Variants in INPP4B observed in about 807,000 individuals in gnomAD.
The protein encoded by INPP4B is inositol polyphosphate 4-phosphatase type II.
In INPP4B, 55 loss-of-function variants were observed where a neutral mutation model predicts 122.5. That is an observed-to-expected ratio of 0.45 (90% confidence interval 0.36 to 0.56). INPP4B has a LOEUF of 0.56. Ranked by LOEUF, INPP4B falls within the 20% of genes least tolerant of loss-of-function variation. The probability of loss-of-function intolerance (pLI) is 0.00; values close to 1 mark genes in which losing one functional copy is unlikely to be tolerated. For missense variants in INPP4B, 1,000 were observed against 1,097.7 expected (o/e 0.91, Z 1.26); for synonymous variants, 403 against 388.7 (o/e 1.04, Z -0.43).
At chr4:142,072,255 A>G (rs867760639) in intron 25 of INPP4B, among the ~76,000 whole-genome samples, 5 of 151,818 alleles carry the variant, frequency 3.3e-5, no homozygotes, top group Middle Eastern at 3.4e-3. Flanking sequence ...CAAACACCAC[A>G]TGTTCTCACT....
intron 7 of INPP4B, among the ~76,000 whole-genome samples, chr4:142,323,712 A>T (rs572923452): frequency 2.5e-4 from 38 of 151,116 alleles, no homozygotes; most frequent in East Asian, 1.4e-3. Flanking sequence ...CCCAAAGTGC[A>T]GGGATTACAG....
At chr4:142,742,412 C>A (rs536546250) in intron 1 of INPP4B, among the ~76,000 whole-genome samples, 34 of 152,016 alleles carry the variant, frequency 2.2e-4, no homozygotes, top group South Asian at 8.3e-4. Context: ...TTCCAACTAA[C>A]AAAACTGAGA....
In INPP4B at chr4:142,687,559, CAAA is replaced by C. The variant is rs3080815; in HGVS notation, c.-191+38277_-191+38279del. Reference sequence around the variant, plus strand: ...TTTTCTTTCCCAATTATCCTTCCTCCAAAAAAAAAAAAAAAAAAAAAAATCCTT... The same window carrying C: ...TTTTCTTTCCCAATTATCCTTCCTCCAAAAAAAAAAAAAAAAAAAATCCTT... On this transcript the variant is annotated intron_variant, in intron 2 of 25. Coordinates refer to ENST00000262992, the MANE Select transcript of INPP4B (RefSeq NM_001101669.3). Among the ~76,000 whole-genome samples the C allele has an allele frequency of 3.8e-3, 378 of 100,568 alleles. 1 individual carries two copies. Among genetic ancestry groups the C allele is most frequent in the Middle Eastern group, 5.5e-3 (1 of 182 alleles). The allele number at this position is 100,568 out of a possible 152,430, so 66.0% of individuals were successfully genotyped here. A position where few individuals can be genotyped will look rare whatever the true frequency, so the allele number is the denominator to read the frequency against.
intron 1 of INPP4B, among the ~76,000 whole-genome samples, chr4:142,730,915 G>C (rs1765987046): frequency 6.6e-6 from 1 of 152,120 alleles, no homozygotes; most frequent in African/African-American, 2.4e-5. Flanking sequence ...TCCTATGACA[G>C]AAATTGCATA....
chr4:142,712,158 CA>C (rs1763199069), intron 2 of INPP4B, among the ~76,000 whole-genome samples: 1 of 152,146 alleles, frequency 6.6e-6, no homozygotes, highest in South Asian at 2.1e-4. Flanking sequence ...CACCAGACAC[CA>C]AATCTGCTGG....
At chr4:142,511,234 T>C (rs898448917) in intron 2 of INPP4B, among the ~76,000 whole-genome samples, 7 of 152,136 alleles carry the variant, frequency 4.6e-5, no homozygotes, top group Non-Finnish European at 8.8e-5. Context: ...TCCTCCCTAA[T>C]GTACTTTTGA....
chr4:142,630,992 C>T (rs754480320), intron 2 of INPP4B, among the ~76,000 whole-genome samples: 15 of 152,056 alleles, frequency 9.9e-5, no homozygotes, highest in Non-Finnish European at 4.4e-5. Context: ...AACATAAATC[C>T]TCTCTGCAGA....
rs1579964828 is a variant in INPP4B at position 142,402,934 on chromosome 4, T to G, written c.372+4A>C. 1 of 1,355,980 alleles carries G rather than the reference T, an allele frequency of 7.4e-7. No homozygotes were observed. Among genetic ancestry groups the G allele is most frequent in the South Asian group, 1.2e-5 (1 of 85,770 alleles). The allele number at this position is 1,355,980 out of a possible 1,614,324, so 84.0% of individuals were successfully genotyped here. A position where few individuals can be genotyped will look rare whatever the true frequency, so the allele number is the denominator to read the frequency against. ...CAAAGAAAGAAAGAAGTACCAGTAC[T>G]TACGGTGTCATGAGACTTATCCTTG... On this transcript the variant is annotated splice_donor_region_variant and intron_variant, in intron 7 of 25. Transcript: ENST00000262992.
At chr4:142,697,200 G>A (rs187621967) in intron 2 of INPP4B, among the ~76,000 whole-genome samples, 1 of 152,140 alleles carries the variant, frequency 6.6e-6, no homozygotes, top group Admixed American at 6.5e-5. Flanking sequence ...TAAATTATAT[G>A]GTTTTGGTGA....
intron 2 of INPP4B, chr4:142,518,624 T>C (rs979573671): frequency 6.6e-6 from 1 of 152,128 alleles, no homozygotes; most frequent in Non-Finnish European, 1.5e-5. Context: ...TATGCAGAAA[T>C]GAGAGTGTAT....
At chr4:142,712,516 C>T (rs1763240745) in intron 2 of INPP4B, among the ~76,000 whole-genome samples, 1 of 152,176 alleles carries the variant, frequency 6.6e-6, no homozygotes, top group Non-Finnish European at 1.5e-5. Flanking sequence ...TTTCTATTGT[C>T]CTAAAATGTG....
intron 2 of INPP4B, among the ~76,000 whole-genome samples, chr4:142,626,289 T>C (rs1386527978): frequency 6.6e-6 from 1 of 152,038 alleles, no homozygotes; most frequent in African/African-American, 2.4e-5. Flanking sequence ...GTTGAGTTTA[T>C]TCAAAAGGAA....
intron 1 of INPP4B, among the ~76,000 whole-genome samples, chr4:142,807,379 C>T (rs1324601184): frequency 6.6e-6 from 1 of 151,966 alleles, no homozygotes; most frequent in African/African-American, 2.4e-5. Context: ...TAAAGTAGCA[C>T]AAAGATGAGT....
At chr4:142,265,872 C>T (rs1279127942) in intron 10 of INPP4B, among the ~76,000 whole-genome samples, 2 of 152,134 alleles carry the variant, frequency 1.3e-5, no homozygotes, top group African/African-American at 4.8e-5. Flanking sequence ...GGGCATATCT[C>T]TAGGTATCAA....
At chr4:142,790,359 AT>A (rs1292474247) in intron 1 of INPP4B, among the ~76,000 whole-genome samples, 2 of 152,144 alleles carry the variant, frequency 1.3e-5, no homozygotes, top group Non-Finnish European at 1.5e-5. Flanking sequence ...AACTCAAAAA[AT>A]TAGCAAGAAA....
chr4:142,245,790 A>G (rs1263850065), intron 11 of INPP4B, among the ~76,000 whole-genome samples: 2 of 138,766 alleles, frequency 1.4e-5, no homozygotes, highest in African/African-American at 2.8e-5. Flanking sequence ...ATATGTGTGT[A>G]TGTATACATA....
intron 1 of INPP4B, among the ~76,000 whole-genome samples, chr4:142,732,380 T>C (rs1457513982): frequency 6.6e-6 from 1 of 151,970 alleles, no homozygotes; most frequent in Non-Finnish European, 1.5e-5. Flanking sequence ...TCACTAGAAA[T>C]ATCAATGAAA....
intron 2 of INPP4B, among the ~76,000 whole-genome samples, chr4:142,678,618 G>C (rs759523938): frequency 6.6e-6 from 1 of 151,852 alleles, no homozygotes; most frequent in African/African-American, 2.4e-5. Flanking sequence ...GACACTCAAC[G>C]TAAGAGCATA....
chr4:142,718,359 A>G (rs1764076036), intron 2 of INPP4B, among the ~76,000 whole-genome samples: 2 of 152,202 alleles, frequency 1.3e-5, no homozygotes, highest in East Asian at 1.9e-4. Flanking sequence ...CGGGCTCTCT[A>G]TTCAAAATAC....
Sources: allele counts gnomAD v4.1 joint callset (sites outside exome capture counted in the v4.1 genomes callset), GRCh38; gene constraint gnomAD v4.1.1; transcripts MANE v1.5; gene names NCBI Gene and HGNC (gene_info 2026-07-23, HGNC 2026-07-21).